Variants in NPBWR2 observed in about 807,000 individuals in gnomAD.
NPBWR2 encodes the protein neuropeptides B/W receptor type 2.
For synonymous variants in NPBWR2, 207 were observed against 223.5 expected (o/e 0.93, Z 0.66); for missense variants, 390 against 458.2 (o/e 0.85, Z 1.36).
chr20:64,105,712 TGGTGGTGGGGGTGG>T lies in NPBWR2; in HGVS notation c.*104_*117del. The T allele has an allele frequency of 4.8e-5, 17 of 353,296 alleles. 1 individual carries two copies. Among genetic ancestry groups the T allele is most frequent in the South Asian group, 1.3e-4 (4 of 31,488 alleles). 21.9% of individuals were successfully genotyped at this position (353,296 alleles called of 1,614,324 possible). On this transcript the variant is annotated 3_prime_UTR_variant, in exon 2 of 2. Transcript: ENST00000684052. ...GTGGTGGTGGGGGTGATGGTGGGGG[TGGTGGTGGGGGTGG>T]GGGGGGGTGGGCCTGATGGGGGTGT...
chr20:64,107,337 G>A lies in NPBWR2; in HGVS notation c.-92+27C>T, dbSNP rs1215639748. 6.6e-6 allele frequency among the ~76,000 whole-genome samples: 1 copy of A among 152,234 alleles called. No individual in the cohort carries two copies. Among genetic ancestry groups the A allele is most frequent in the Non-Finnish European group, 1.5e-5 (1 of 68,046 alleles). ...CCCGAGAGATGCTGCAGACCCTGCT[G>A]GTCCAGCTACTCTTCTCTCCACTGA... On this transcript the variant is annotated intron_variant, in intron 1 of 1. Coordinates refer to ENST00000684052, the MANE Select transcript of NPBWR2 (RefSeq NM_005286.4). The surrounding 1 kb of genome is among the most constrained non-coding windows in gnomAD (Gnocchi z 6.3).
At position 64,105,208 on chromosome 20, in the gene NPBWR2, G is replaced by A. The variant is rs1979923644; in HGVS notation, c.*622C>T. On this transcript the variant is annotated 3_prime_UTR_variant, in exon 2 of 2. Coordinates refer to ENST00000684052, the MANE Select transcript of NPBWR2 (RefSeq NM_005286.4). Reference sequence around the variant, plus strand: ...CACAGTTCAGGTTCCCTCCCCTCCCGACCACTGTCATTAGGGATCCTGAGT... The same window carrying A: ...CACAGTTCAGGTTCCCTCCCCTCCCAACCACTGTCATTAGGGATCCTGAGT... Among the ~76,000 whole-genome samples, 1 of 151,792 alleles carries A rather than the reference G, an allele frequency of 6.6e-6. No homozygotes were observed. The highest frequency in any genetic ancestry group is 6.6e-5 in the Admixed American group (1 of 15,258).
rs1980075426 is a variant in NPBWR2, at chr20:64,106,910, C to A, written c.-79G>T. On this transcript the variant is annotated 5_prime_UTR_variant, in exon 2 of 2. It adds an upstream start codon to the 5' untranslated region. Coordinates refer to ENST00000684052, the MANE Select transcript of NPBWR2 (RefSeq NM_005286.4). The surrounding 1 kb of genome is among the most constrained non-coding windows in gnomAD (Gnocchi z 9.5). Reference sequence around the variant, plus strand: ...AGTTGGGTATCTGGTTGGGGGCCTCCTTGGGCTGGATTCTAGGAAAGAAAA... The same window carrying A: ...AGTTGGGTATCTGGTTGGGGGCCTCATTGGGCTGGATTCTAGGAAAGAAAA... 6.6e-7 allele frequency: 1 copy of A among 1,509,544 alleles called. No homozygotes were observed. Among genetic ancestry groups the A allele is most frequent in the African/African-American group, 1.4e-5 (1 of 71,886 alleles). 93.5% of individuals were successfully genotyped at this position (1,509,544 alleles called of 1,614,324 possible). A position where few individuals can be genotyped will look rare whatever the true frequency, so the allele number is the denominator to read the frequency against.
chr20:64,106,343 C>T lies in NPBWR2; in HGVS notation c.489G>A (p.Ala163=), dbSNP rs199583863. Residue 163 remains alanine, a synonymous_variant, in exon 2 of 2, where the codon GCG becomes GCA. Transcript: ENST00000684052. This position sits in a 1 kb window ranked among gnomAD's most constrained non-coding sequence, Gnocchi z 9.5. Reference sequence around the variant, plus strand: ...GCCAGACACACAGGCTGGCGACCTTCGCCCCCCGGTAGGTGCGCCAGGGCA... The same window carrying T: ...GCCAGACACACAGGCTGGCGACCTTTGCCCCCCGGTAGGTGCGCCAGGGCA... ...RHMPWRTYRG[A]KVASLCVWLG... The T allele has an allele frequency of 2.2e-5, 36 of 1,612,630 alleles. No homozygotes were observed. Among genetic ancestry groups the T allele is most frequent in the African/African-American group, 2.1e-4 (16 of 74,938 alleles).
rs1218962233 is a variant in NPBWR2 at position 64,107,211 on chromosome 20, G to A, written c.-92+153C>T. ...ATGCACGGGCTGCGTAGAATCAAGC[G>A]GTCCCTTTGGAAACACACCTCCCAA... On this transcript the variant is annotated intron_variant, in intron 1 of 1. Transcript: ENST00000684052. The surrounding 1 kb of genome is among the most constrained non-coding windows in gnomAD (Gnocchi z 6.3). 3.8e-5 allele frequency: 11 copies of A among 287,444 alleles called. No individual in the cohort carries two copies. Among genetic ancestry groups the A allele is most frequent in the Middle Eastern group, 1.2e-3 (1 of 840 alleles). 17.8% of individuals were successfully genotyped at this position (287,444 alleles called of 1,614,324 possible).
rs759305441 is a variant in NPBWR2 at position 64,106,297 on chromosome 20, G to C, written c.535C>G (p.Leu179Val). The change falls in exon 2 of 2, where the codon CTG becomes GTG. Residue 179 changes from leucine (L) to valine (V), a missense_variant. By Grantham distance (32) the Leu-to-Val change is conservative. Coordinates refer to ENST00000684052, the MANE Select transcript of NPBWR2 (RefSeq NM_005286.4). The surrounding 1 kb of genome is among the most constrained non-coding windows in gnomAD (Gnocchi z 9.5). ...ACGCCAGCGAAAGAGAAGAAGGGCA[G>C]AACCAGGACCGTGACGCCCAGCCAG... The part of the protein sequence containing the change: ...CVWLGVTVLV[L>V]PFFSFAGVYS... The C allele has an allele frequency of 6.2e-7, 1 of 1,612,728 alleles. No homozygotes were observed. Among genetic ancestry groups the C allele is most frequent in the Non-Finnish European group, 8.5e-7 (1 of 1,180,030 alleles).
chr20:64,106,759 C>A lies in NPBWR2; in HGVS notation c.73G>T (p.Val25Phe). Residue 25 changes from valine to phenylalanine, a missense_variant, in exon 2 of 2, where the codon GTC becomes TTC. Coordinates refer to ENST00000684052, the MANE Select transcript of NPBWR2 (RefSeq NM_005286.4). This position sits in a 1 kb window ranked among gnomAD's most constrained non-coding sequence, Gnocchi z 9.5. Reference protein sequence around the residue: ...SFSLPTMGANVSQDNGTGHNA... With the variant: ...SFSLPTMGANFSQDNGTGHNA... Reference sequence around the variant, plus strand: ...TGGCCAGTGCCATTGTCCTGAGAGACGTTGGCACCCATCGTGGGGAGGGAG... The same window carrying A: ...TGGCCAGTGCCATTGTCCTGAGAGAAGTTGGCACCCATCGTGGGGAGGGAG... 1.2e-6 allele frequency: 2 copies of A among 1,612,664 alleles called. No homozygotes were observed. The highest frequency in any genetic ancestry group is 1.7e-6 in the Non-Finnish European group (2 of 1,179,992).
rs1241320173 is a variant in NPBWR2 at position 64,106,625 on chromosome 20, T to C, written c.207A>G (p.Val69=). 1.2e-6 allele frequency: 2 copies of C among 1,612,114 alleles called. No homozygotes were observed. The highest frequency in any genetic ancestry group is 2.7e-5 in the African/African-American group (2 of 74,860). ...TCTTCATCTTGGGCGCCCTTAGGAT[T>C]ACAAGGATGACGGCCGTGTTGCCAG... The part of the protein sequence containing the change: ...GLTGNTAVIL[V]ILRAPKMKTV... Residue 69 remains valine (V), a synonymous_variant, in exon 2 of 2, where the codon GTA becomes GTG. Transcript: ENST00000684052. This position sits in a 1 kb window ranked among gnomAD's most constrained non-coding sequence, Gnocchi z 9.5.
In NPBWR2 at chr20:64,107,450, A is replaced by C. The variant is rs978008929; in HGVS notation, c.-178T>G. On this transcript the variant is annotated 5_prime_UTR_variant, in exon 1 of 2. Coordinates refer to ENST00000684052, the MANE Select transcript of NPBWR2 (RefSeq NM_005286.4). This position sits in a 1 kb window ranked among gnomAD's most constrained non-coding sequence, Gnocchi z 6.3. ...CAGGCAGTCGCAGGGATGGAGGGCG[A>C]GGTGTGGTCCTCACTGACAGACCTC... is the stretch of plus-strand genomic sequence containing the variant. 6.6e-6 allele frequency among the ~76,000 whole-genome samples: 1 copy of C among 152,054 alleles called. No homozygotes were observed. The highest frequency in any genetic ancestry group is 1.5e-5 in the Non-Finnish European group (1 of 68,012).
At position 64,105,765 on chromosome 20, in the gene NPBWR2, A is replaced by ATGATGGGGGTAATGG. The variant is rs1979994947; in HGVS notation, c.*64_*65insCCATTACCCCCATCA. 118 of 1,056,058 alleles carry ATGATGGGGGTAATGG rather than the reference A, an allele frequency of 1.1e-4. No homozygotes were observed. The highest frequency in any genetic ancestry group is 1.3e-4 in the Non-Finnish European group (98 of 783,824). The allele number at this position is 1,056,058 out of a possible 1,614,324, so 65.4% of individuals were successfully genotyped here. A position where few individuals can be genotyped will look rare whatever the true frequency, so the allele number is the denominator to read the frequency against. On this transcript the variant is annotated 3_prime_UTR_variant, in exon 2 of 2. Coordinates refer to ENST00000684052, the MANE Select transcript of NPBWR2 (RefSeq NM_005286.4). ...TGATGGGGGTGTGGGCATGATGATG[A>ATGATGGGGGTAATGG]TGGGCGTGATGATGATGGGGGGTGA...
At position 64,105,692 on chromosome 20, in the gene NPBWR2, G is replaced by C; in HGVS notation, c.*138C>G. Reference sequence around the variant, plus strand: ...TGATGGGCGTGATGATGGGGGTGGTGGTGGGGGTGATGGTGGGGGTGGTGG... The same window carrying C: ...TGATGGGCGTGATGATGGGGGTGGTCGTGGGGGTGATGGTGGGGGTGGTGG... On this transcript the variant is annotated 3_prime_UTR_variant, in exon 2 of 2. Coordinates refer to ENST00000684052, the MANE Select transcript of NPBWR2 (RefSeq NM_005286.4). The C allele has an allele frequency of 2.6e-6, 1 of 383,016 alleles. No homozygotes were observed. The highest frequency in any genetic ancestry group is 2.8e-5 in the South Asian group (1 of 35,156). 23.7% of individuals were successfully genotyped at this position (383,016 alleles called of 1,614,324 possible).
Position 64,105,266 on chromosome 20 carries a change from C to CT in NPBWR2, c.*563dup, listed in dbSNP as rs1979925525. ...CCTTCCAAGGGGCTTGTCCATCTGT[C>CT]TGTCTCTCGTGGGTAAGTGGGCCCG... On this transcript the variant is annotated 3_prime_UTR_variant, in exon 2 of 2. Transcript: ENST00000684052. 6.6e-6 allele frequency among the ~76,000 whole-genome samples: 1 copy of CT among 151,582 alleles called. No homozygotes were observed. Among genetic ancestry groups the CT allele is most frequent in the Non-Finnish European group, 1.5e-5 (1 of 67,962 alleles).
At position 64,106,647 on chromosome 20, in the gene NPBWR2, C is replaced by G. The variant is rs769322127; in HGVS notation, c.185G>C (p.Gly62Ala). The change falls in exon 2 of 2, where the codon GGC (glycine) becomes GCC (alanine). Residue 62 changes from glycine to alanine, a missense_variant. Gly to Ala is a moderately conservative substitution (Grantham distance 60). Transcript: ENST00000684052. The surrounding 1 kb of genome is among the most constrained non-coding windows in gnomAD (Gnocchi z 9.5). ...YSGICAVGLT[G>A]NTAVILVILR... Reference sequence around the variant, plus strand: ...GATTACAAGGATGACGGCCGTGTTGCCAGTCAGCCCCACAGCACAGATCCC... The same window carrying G: ...GATTACAAGGATGACGGCCGTGTTGGCAGTCAGCCCCACAGCACAGATCCC... 2 of 1,612,668 alleles carry G rather than the reference C, an allele frequency of 1.2e-6. No homozygotes were observed. The highest frequency in any genetic ancestry group is 4.5e-5 in the East Asian group (2 of 44,878).
chr20:64,107,111 C>T lies in NPBWR2; in HGVS notation c.-91-189G>A, dbSNP rs1239229906. ...TGAGACTTCAGCAGATCAGTTCCCT[C>T]CTCCCGCAGAGAGCAGCTGCTGGCC... On this transcript the variant is annotated intron_variant, in intron 1 of 1. Transcript: ENST00000684052. This position sits in a 1 kb window ranked among gnomAD's most constrained non-coding sequence, Gnocchi z 6.3. The T allele has an allele frequency of 1.8e-6, 1 of 551,470 alleles. No homozygotes were observed. The highest frequency in any genetic ancestry group is 1.9e-5 in the African/African-American group (1 of 52,992). The allele number at this position is 551,470 out of a possible 1,614,324, so 34.2% of individuals were successfully genotyped here.
chr20:64,104,664 A>C lies in NPBWR2; in HGVS notation c.*1166T>G, dbSNP rs1159354826. On this transcript the variant is annotated 3_prime_UTR_variant, in exon 2 of 2. Coordinates refer to ENST00000684052, the MANE Select transcript of NPBWR2 (RefSeq NM_005286.4). ...CACAGGCCATGGAGAGGACCGTCAG[A>C]CACAGCAGGGGGGTACAGGGGAGCA... is the stretch of plus-strand genomic sequence containing the variant. 0.011 allele frequency among the ~76,000 whole-genome samples: 1,102 copies of C among 99,206 alleles called. 6 individuals carry two copies. Among genetic ancestry groups the C allele is most frequent in the South Asian group, 0.018 (50 of 2,718 alleles). 65.1% of individuals were successfully genotyped at this position (99,206 alleles called of 152,430 possible). A position where few individuals can be genotyped will look rare whatever the true frequency, so the allele number is the denominator to read the frequency against.
chr20:64,106,086 T>G lies in NPBWR2; in HGVS notation c.746A>C (p.Lys249Thr), dbSNP rs1569285979. 6.2e-7 allele frequency: 1 copy of G among 1,611,266 alleles called. No homozygotes were observed. The highest frequency in any genetic ancestry group is 2.2e-5 in the East Asian group (1 of 44,862). The change falls in exon 2 of 2, where the codon AAG becomes ACG. Residue 249 changes from lysine to threonine, a missense_variant. Transcript: ENST00000684052. The surrounding 1 kb of genome is among the most constrained non-coding windows in gnomAD (Gnocchi z 9.5). ...CTTCCGCCTGGCCTTGCCTAGAGCC[T>G]TGGCTCCAGAGCGGAGCCGCACGGC... ...LRAVRLRSGA[K>T]ALGKARRKVT...
In NPBWR2 at chr20:64,106,624, T is replaced by G; in HGVS notation, c.208A>C (p.Ile70Leu). ...LTGNTAVILV[I>L]LRAPKMKTVT... Reference sequence around the variant, plus strand: ...GTCTTCATCTTGGGCGCCCTTAGGATTACAAGGATGACGGCCGTGTTGCCA... The same window carrying G: ...GTCTTCATCTTGGGCGCCCTTAGGAGTACAAGGATGACGGCCGTGTTGCCA... The change falls in exon 2 of 2, where the codon ATC becomes CTC. Residue 70 changes from isoleucine (I) to leucine (L), a missense_variant. Transcript: ENST00000684052. The surrounding 1 kb of genome is among the most constrained non-coding windows in gnomAD (Gnocchi z 9.5). 1 of 1,612,232 alleles carries G rather than the reference T, an allele frequency of 6.2e-7. No individual in the cohort carries two copies. Among genetic ancestry groups the G allele is most frequent in the East Asian group, 2.2e-5 (1 of 44,856 alleles).
chr20:64,106,316 C>A lies in NPBWR2; in HGVS notation c.516G>T (p.Leu172=). ...AGGGCAGAACCAGGACCGTGACGCC[C>A]AGCCAGACACACAGGCTGGCGACCT... ...GAKVASLCVW[L]GVTVLVLPFF... The change falls in exon 2 of 2, where the codon CTG becomes CTT. Residue 172 remains leucine, a synonymous_variant. Transcript: ENST00000684052. This position sits in a 1 kb window ranked among gnomAD's most constrained non-coding sequence, Gnocchi z 9.5. 2 of 1,612,828 alleles carry A rather than the reference C, an allele frequency of 1.2e-6. No individual in the cohort carries two copies. Among genetic ancestry groups the A allele is most frequent in the South Asian group, 1.1e-5 (1 of 91,086 alleles).
Position 64,106,344 on chromosome 20 carries a change from GC to G in NPBWR2, c.487del (p.Ala163ArgfsTer37). 6.2e-7 allele frequency: 1 copy of G among 1,612,708 alleles called. No individual in the cohort carries two copies. Among genetic ancestry groups the G allele is most frequent in the Non-Finnish European group, 8.5e-7 (1 of 1,179,982 alleles). Reference protein sequence around the residue: ...RHMPWRTYRGAKVASLCVWLG... With the variant: ...RHMPWRTYRGXKVASLCVWLG... ...CCAGACACACAGGCTGGCGACCTTC[GC>G]CCCCCGGTAGGTGCGCCAGGGCATG... On this transcript the variant is annotated frameshift_variant, in exon 2 of 2. Coordinates refer to ENST00000684052, the MANE Select transcript of NPBWR2 (RefSeq NM_005286.4). LOFTEE classifies it low-confidence loss of function (END_TRUNC). This position sits in a 1 kb window ranked among gnomAD's most constrained non-coding sequence, Gnocchi z 9.5.
Sources: gnomAD v4.1 joint callset for allele counts (sites outside exome capture counted in the v4.1 genomes callset) on GRCh38, gnomAD v4.1.1 for gene constraint, Gnocchi (gnomAD v3.1) non-coding constraint, MANE v1.5 for transcripts, NCBI Gene and HGNC (gene_info 2026-07-23, HGNC 2026-07-21) for gene names.